The following STRN3 variants were observed in gnomAD, a reference collection of about 807,000 sequenced individuals.
The protein encoded by STRN3 is striatin 3, also known as striatin-3.
STRN3 carries 29 observed loss-of-function variants against 95.6 expected under a neutral mutation model. The observed-to-expected ratio is 0.30, with a 90% CI of 0.23 to 0.41. The LOEUF (loss-of-function observed/expected upper bound fraction) is 0.41. Among genes scored for constraint, STRN3 ranks in the 10% least tolerant of loss-of-function variants. The pLI is 1.00. For missense variants in STRN3, 890 were observed against 972.1 expected (o/e 0.92, Z 1.12); for synonymous variants, 331 against 357.6 (o/e 0.93, Z 0.84).
chr14:30,936,663 T>A, intron 5 of STRN3, 39 bp from the exon 6 acceptor site: 2 of 1,581,904 alleles, frequency 1.3e-6, no homozygotes, highest in Non-Finnish European at 1.7e-6. Flanking sequence ...ACTATTCCAA[T>A]GGTTGGTTCT....
chr14:30,966,565 G>A (rs1174052031), intron 1 of STRN3, among the ~76,000 whole-genome samples: 3 of 152,192 alleles, frequency 2.0e-5, no homozygotes, highest in Admixed American at 1.3e-4. Flanking sequence ...GGACTGGCCA[G>A]CAACCTAGCT....
intron 3 of STRN3, among the ~76,000 whole-genome samples, chr14:30,952,846 A>G (rs1043561540): frequency 6.6e-6 from 1 of 152,214 alleles, no homozygotes; most frequent in Non-Finnish European, 1.5e-5. Flanking sequence ...TAATCACTGG[A>G]GGAAAAAAAT....
chr14:30,993,344 G>GGAGA (rs1480710838), intron 1 of STRN3, among the ~76,000 whole-genome samples: 1 of 151,752 alleles, frequency 6.6e-6, no homozygotes. Context: ...CTCTTAGTAG[G>GGAGA]GAGAACATGA....
At chr14:30,957,611 T>C (rs1012382974) in intron 1 of STRN3, among the ~76,000 whole-genome samples, 1 of 152,210 alleles carries the variant, frequency 6.6e-6, no homozygotes, top group Admixed American at 6.5e-5. Context: ...CTCATTGCTT[T>C]CTATTGTCAT....
rs1555317709 is a variant in STRN3, at chr14:30,933,280, T to TTAAAA, written c.988+1882_988+1883insTTTTA. 3.3e-3 allele frequency among the ~76,000 whole-genome samples: 76 copies of TTAAAA among 22,770 alleles called. 2 individuals are homozygous for TTAAAA. The highest frequency in any genetic ancestry group is 8.0e-3 in the African/African-American group (53 of 6,646). The allele number at this position is 22,770 out of a possible 152,430, so 14.9% of individuals were successfully genotyped here. The stretch of plus-strand genomic sequence containing the variant: ...GGCAATAAAGCGAGACCCTGTTTCA[T>TTAAAA]AAAAAAAAAAAAAAAAAAAAAAAAA... On this transcript the variant is annotated intron_variant, in intron 7 of 17. Transcript: ENST00000357479.
intron 1 of STRN3, among the ~76,000 whole-genome samples, chr14:31,005,368 A>C (rs1882668086): frequency 6.6e-6 from 1 of 152,206 alleles, no homozygotes; most frequent in South Asian, 2.1e-4. Context: ...GGAGGGAAGG[A>C]GCAAGTAGGA....
At position 30,929,954 on chromosome 14, in the gene STRN3, CAAAAAAAA is replaced by C. The variant is rs1191963792; in HGVS notation, c.989-651_989-644del. On this transcript the variant is annotated intron_variant, in intron 7 of 17. Coordinates refer to ENST00000357479, the MANE Select transcript of STRN3 (RefSeq NM_001083893.2). ...TCCATTGGTCTACAACTAAGATTAG[CAAAAAAAA>C]AAAAAAAAAAAAAAAAACTCAAATT... Among the ~76,000 whole-genome samples, 20 of 40,002 alleles carry C rather than the reference CAAAAAAAA, an allele frequency of 5.0e-4. 2 individuals carry two copies. The highest frequency in any genetic ancestry group is 3.3e-3 in the Admixed American group (10 of 3,066). 26.2% of individuals were successfully genotyped at this position (40,002 alleles called of 152,430 possible). A position where few individuals can be genotyped will look rare whatever the true frequency, so the allele number is the denominator to read the frequency against.
At chr14:30,957,271 G>A (rs1032847699) in intron 1 of STRN3, among the ~76,000 whole-genome samples, 3 of 152,066 alleles carry the variant, frequency 2.0e-5, no homozygotes, top group Admixed American at 2.0e-4. Context: ...TGGCTAACAC[G>A]GTGAAACCCG....
At chr14:31,016,243 C>A (rs921255859) in intron 1 of STRN3, among the ~76,000 whole-genome samples, 1 of 152,238 alleles carries the variant, frequency 6.6e-6, no homozygotes, top group African/African-American at 2.4e-5. Context: ...TACGTCCACA[C>A]AAAAACCTGC....
intron 10 of STRN3, 140 bp from the exon 11 acceptor site, chr14:30,912,322 C>A (rs1202940861): frequency 4.4e-6 from 3 of 686,780 alleles, no homozygotes; most frequent in Non-Finnish European, 6.6e-6. Context: ...ATTTAATGTA[C>A]CTTTAAAACT....
intron 7 of STRN3, 140 bp downstream of exon 7, chr14:30,935,023 T>C: frequency 2.8e-6 from 3 of 1,064,510 alleles, no homozygotes; most frequent in South Asian, 2.3e-5. Context: ...AATACCTTGA[T>C]ATTATTCAAA....
chr14:30,952,463 G>A (rs1329024954), intron 3 of STRN3, among the ~76,000 whole-genome samples: 2 of 149,524 alleles, frequency 1.3e-5, no homozygotes, highest in Non-Finnish European at 2.9e-5. Context: ...ACTTTGGGAG[G>A]CCAAGGCAGG....
chr14:30,957,804 T>A (rs367597928), intron 1 of STRN3, among the ~76,000 whole-genome samples: 1 of 152,190 alleles, frequency 6.6e-6, no homozygotes, highest in Non-Finnish European at 1.5e-5. Context: ...ATCTACACAT[T>A]GACAATAAAA....
chr14:30,901,869 G>T (rs1359766391), intron 16 of STRN3, among the ~76,000 whole-genome samples: 1 of 152,050 alleles, frequency 6.6e-6, no homozygotes, highest in African/African-American at 2.4e-5. Flanking sequence ...AGACATAGTT[G>T]TAAGAACATA....
rs550873408 is a variant in STRN3, at chr14:31,023,984, T to C, written c.282+1920A>G. Among the ~76,000 whole-genome samples, 3 of 152,162 alleles carry C rather than the reference T, an allele frequency of 2.0e-5. 1 individual carries two copies. The Middle Eastern group carries it at 0.01, about 518-fold the overall frequency. On this transcript the variant is annotated intron_variant, in intron 1 of 17. Transcript: ENST00000357479. The stretch of plus-strand genomic sequence containing the variant: ...TAATAACAGTACTGTACCAATAGAA[T>C]TGAAAGCAAGCAAGCAAGCAAAAGG...
Position 30,906,951 on chromosome 14 carries a change from G to A in STRN3, c.1814C>T (p.Ser605Leu). The change falls in exon 14 of 18, where the codon TCA (serine) becomes TTA (leucine). Residue 605 changes from serine (S) to leucine (L), a missense_variant. By Grantham distance (145) the Ser-to-Leu change is moderately radical. Coordinates refer to ENST00000357479, the MANE Select transcript of STRN3 (RefSeq NM_001083893.2). ...SGIKNQLLSCSADGTVRLWNP... is the reference protein window; with the variant it reads ...SGIKNQLLSCLADGTVRLWNP... ...CCATAACCTAACAGTGCCATCTGCT[G>A]AACAAGACAGTAATTGATTTTTTAT... is the stretch of plus-strand genomic sequence containing the variant. 6.2e-7 allele frequency: 1 copy of A among 1,613,868 alleles called. No individual in the cohort carries two copies. The highest frequency in any genetic ancestry group is 8.5e-7 in the Non-Finnish European group (1 of 1,179,884).
At chr14:31,017,853 A>C (rs1883316004) in intron 1 of STRN3, among the ~76,000 whole-genome samples, 1 of 152,050 alleles carries the variant, frequency 6.6e-6, no homozygotes, top group African/African-American at 2.4e-5. Flanking sequence ...AAGGCGGGTG[A>C]TCACTTGAGG....
intron 3 of STRN3, among the ~76,000 whole-genome samples, chr14:30,954,162 ATATT>A (rs1383516249): frequency 6.6e-6 from 1 of 152,112 alleles, no homozygotes; most frequent in Non-Finnish European, 1.5e-5. Flanking sequence ...AACATTTCAT[ATATT>A]TATTGGCCAT....
In STRN3 at chr14:30,918,955, A is replaced by C; in HGVS notation, c.1240+11T>G. The stretch of plus-strand genomic sequence containing the variant: ...TGAAATGTAAATAAACATGGTAGCT[A>C]AATTTTGTACCTTCCTCTGCTCTTG... On this transcript the variant is annotated intron_variant, in intron 9 of 17. Transcript: ENST00000357479. The C allele has an allele frequency of 6.4e-7, 1 of 1,556,238 alleles. No homozygotes were observed. Among genetic ancestry groups the C allele is most frequent in the Non-Finnish European group, 8.7e-7 (1 of 1,148,470 alleles).
Sources: allele counts gnomAD v4.1 joint callset (sites outside exome capture counted in the v4.1 genomes callset), GRCh38; gene constraint gnomAD v4.1.1; transcripts MANE v1.5; gene names NCBI Gene and HGNC (gene_info 2026-07-23, HGNC 2026-07-21).